Variants in SLC22A3 observed in about 807,000 individuals in gnomAD.
SLC22A3 encodes the protein solute carrier family 22 member 3.
SLC22A3 carries 51 observed loss-of-function variants against 59.1 expected under a neutral mutation model. The observed-to-expected ratio is 0.86, with a 90% confidence interval of 0.69 to 1.09. SLC22A3 has a LOEUF of 1.09. Ranked by LOEUF, SLC22A3 falls within the 50% of genes least tolerant of loss-of-function variation. The pLI, the probability that SLC22A3 is intolerant of heterozygous loss-of-function variation, is 0.00. For synonymous variants in SLC22A3, 325 were observed against 292.0 expected (o/e 1.11, Z -1.15); for missense variants, 711 against 726.3 (o/e 0.98, Z 0.24).
rs139890298 is a variant in SLC22A3, at chr6:160,432,498, G to A, written c.976-4282G>A. ...GGCTGGAGTGCAATGGCACGATCTC[G>A]GCTCACTGCAACTCCGCCTCCCAGG... On this transcript the variant is annotated intron_variant, in intron 5 of 10. Coordinates refer to ENST00000275300, the MANE Select transcript of SLC22A3 (RefSeq NM_021977.4). Among the ~76,000 whole-genome samples the A allele has an allele frequency of 2.0e-3, 297 of 147,426 alleles. 7 individuals carry two copies. The East Asian group carries it at 0.041, about 21-fold the overall frequency.
intron 9 of SLC22A3, among the ~76,000 whole-genome samples, chr6:160,444,441 C>CT (rs1788670370): frequency 6.6e-6 from 1 of 152,188 alleles, no homozygotes; most frequent in Non-Finnish European, 1.5e-5. Flanking sequence ...ATCATATCTT[C>CT]ATTGGCCCGA....
intron 9 of SLC22A3, among the ~76,000 whole-genome samples, chr6:160,446,324 C>A (rs1397580337): frequency 1.3e-5 from 2 of 152,166 alleles, no homozygotes; most frequent in Non-Finnish European, 2.9e-5. Context: ...CTCACCAGGG[C>A]CAACTGCTAC....
intron 5 of SLC22A3, among the ~76,000 whole-genome samples, chr6:160,420,758 AAGATTCCAAAGGTC>A (rs1366802962): frequency 2.6e-5 from 4 of 152,160 alleles, no homozygotes; most frequent in Non-Finnish European, 5.9e-5. Flanking sequence ...TGCTCAGAGG[AAGATTCCAAAGGTC>A]TACACTTGCA....
Position 160,355,677 on chromosome 6 carries a change from CA to C in SLC22A3, c.429+6830del, listed in dbSNP as rs201466953. Among the ~76,000 whole-genome samples the C allele has an allele frequency of 2.7e-3, 403 of 151,024 alleles. 14 individuals carry two copies. In the East Asian group the frequency reaches 0.064, roughly 24 times the overall value. On this transcript the variant is annotated intron_variant, in intron 1 of 10. Coordinates refer to ENST00000275300, the MANE Select transcript of SLC22A3 (RefSeq NM_021977.4). Reference sequence around the variant, plus strand: ...GTCCCAGCTACCGGGGAGGTTGAGGCAGGAGAATGGCGTGAACCCGGGAGGC... The same window carrying C: ...GTCCCAGCTACCGGGGAGGTTGAGGCGGAGAATGGCGTGAACCCGGGAGGC...
chr6:160,436,922 C>G, intron 6 of SLC22A3, 45 bp downstream of exon 6: 1 of 1,608,888 alleles, frequency 6.2e-7, no homozygotes, highest in Non-Finnish European at 8.5e-7. Flanking sequence ...GTTAAATTTA[C>G]AATACATCCC....
chr6:160,351,840 G>A (rs1296086376), intron 1 of SLC22A3, among the ~76,000 whole-genome samples: 1 of 152,120 alleles, frequency 6.6e-6, no homozygotes, highest in African/African-American at 2.4e-5. Context: ...ACCTTCCAGG[G>A]TCCCACGCCA....
At chr6:160,403,088 C>T (rs1265810694) in intron 2 of SLC22A3, among the ~76,000 whole-genome samples, 1 of 150,150 alleles carries the variant, frequency 6.7e-6, no homozygotes. Flanking sequence ...GAAAATAAAA[C>T]CAAAAGCTGG....
chr6:160,404,648 G>A (rs1786929611), intron 2 of SLC22A3, among the ~76,000 whole-genome samples: 1 of 152,012 alleles, frequency 6.6e-6, no homozygotes, highest in Non-Finnish European at 1.5e-5. Flanking sequence ...AGTACTGAAG[G>A]AGAAGAACAA....
At position 160,426,830 on chromosome 6, in the gene SLC22A3, G is replaced by A. The variant is rs551288671; in HGVS notation, c.976-9950G>A. ...TCCATGGAGTTCAAGGCCTAGAAGC[G>A]GATCCCTTGGGTCCTGGTGTGCAGG... On this transcript the variant is annotated intron_variant, in intron 5 of 10. Coordinates refer to ENST00000275300, the MANE Select transcript of SLC22A3 (RefSeq NM_021977.4). 5.3e-5 allele frequency among the ~76,000 whole-genome samples: 8 copies of A among 152,270 alleles called. No individual in the cohort carries two copies. The South Asian group carries it at 1.0e-3, about 20-fold the overall frequency.
At chr6:160,431,336 C>G (rs1788143799) in intron 5 of SLC22A3, among the ~76,000 whole-genome samples, 1 of 152,182 alleles carries the variant, frequency 6.6e-6, no homozygotes, top group Non-Finnish European at 1.5e-5. Context: ...TGAATTCCAT[C>G]CAAGATACGG....
At chr6:160,423,082 T>C (rs1787810144) in intron 5 of SLC22A3, among the ~76,000 whole-genome samples, 1 of 152,074 alleles carries the variant, frequency 6.6e-6, no homozygotes, top group African/African-American at 2.4e-5. Flanking sequence ...ACATGCGGTG[T>C]TTGGTTTTTT....
chr6:160,424,265 A>T (rs888414057), intron 5 of SLC22A3, among the ~76,000 whole-genome samples: 8 of 151,714 alleles, frequency 5.3e-5, no homozygotes, highest in East Asian at 2.0e-4. Flanking sequence ...ATCTTGGATT[A>T]AAAAAAATGT....
intron 4 of SLC22A3, among the ~76,000 whole-genome samples, chr6:160,409,987 T>C (rs768452536): frequency 2.0e-4 from 31 of 152,328 alleles, no homozygotes; most frequent in Admixed American, 1.1e-3. Flanking sequence ...AAAAATTACA[T>C]TATCAAAAAG....
intron 1 of SLC22A3, among the ~76,000 whole-genome samples, chr6:160,397,613 A>G (rs1252947534): frequency 6.6e-6 from 1 of 151,866 alleles, no homozygotes; most frequent in East Asian, 1.9e-4. Flanking sequence ...GCACACCTGT[A>G]GTCCCAGCTA....
In SLC22A3 at chr6:160,433,095, C is replaced by T. The variant is rs145414964; in HGVS notation, c.976-3685C>T. Among the ~76,000 whole-genome samples the T allele has an allele frequency of 7.2e-3, 1,100 of 152,260 alleles. 13 individuals carry two copies. Among genetic ancestry groups the T allele is most frequent in the African/African-American group, 0.025 (1,055 of 41,554 alleles). ...ATCGTCTATGACTGTTTTCACACTACGATGGTAAAGGTAAGTAGTTCCAAC... is the reference window on the plus strand; with the variant it reads ...ATCGTCTATGACTGTTTTCACACTATGATGGTAAAGGTAAGTAGTTCCAAC... On this transcript the variant is annotated intron_variant, in intron 5 of 10. Coordinates refer to ENST00000275300, the MANE Select transcript of SLC22A3 (RefSeq NM_021977.4).
intron 1 of SLC22A3, among the ~76,000 whole-genome samples, chr6:160,372,090 A>G (rs1477451699): frequency 1.3e-5 from 2 of 152,154 alleles, no homozygotes. Flanking sequence ...GTCTCCCACT[A>G]TTATTGTGTG....
At chr6:160,421,466 C>A (rs1787734243) in intron 5 of SLC22A3, among the ~76,000 whole-genome samples, 1 of 152,188 alleles carries the variant, frequency 6.6e-6, no homozygotes, top group Non-Finnish European at 1.5e-5. Context: ...GTGGGCTTCC[C>A]CCTTTTCCTT....
intron 2 of SLC22A3, among the ~76,000 whole-genome samples, chr6:160,401,999 T>C (rs892483072): frequency 6.6e-6 from 1 of 151,868 alleles, no homozygotes; most frequent in Non-Finnish European, 1.5e-5. Flanking sequence ...AAATAGAAGA[T>C]GATAACAAAT....
At chr6:160,362,684 CG>C (rs1333347022) in intron 1 of SLC22A3, among the ~76,000 whole-genome samples, 3 of 152,296 alleles carry the variant, frequency 2.0e-5, no homozygotes, top group African/African-American at 2.4e-5. Flanking sequence ...GCGGGCCAGA[CG>C]GTGCGGAGGG....
Sources: allele counts gnomAD v4.1 joint callset (sites outside exome capture counted in the v4.1 genomes callset), GRCh38; gene constraint gnomAD v4.1.1; transcripts MANE v1.5; gene names NCBI Gene and HGNC (gene_info 2026-07-23, HGNC 2026-07-21).